The following DRC8 variants were observed in gnomAD, a reference collection of about 807,000 sequenced individuals.
DRC8 encodes dynein regulatory complex subunit 8.
the DRC8 span, among the ~76,000 whole-genome samples, chr1:245,090,439 C>G: frequency 6.6e-6 from 1 of 151,452 alleles, no homozygotes; most frequent in African/African-American, 2.4e-5. Flanking sequence ...GTAAGAGTGG[C>G]TGACGTTTGT....
chr1:245,119,817 CA>C, the DRC8 span, among the ~76,000 whole-genome samples: 1 of 151,978 alleles, frequency 6.6e-6, no homozygotes, highest in African/African-American at 2.4e-5. Context: ...CCTGTAGTCC[CA>C]GCTACTCGGG....
the DRC8 span, among the ~76,000 whole-genome samples, chr1:245,078,846 C>T: frequency 2.2e-4 from 33 of 152,138 alleles, no homozygotes; most frequent in East Asian, 7.7e-4. Flanking sequence ...ACTAGTGAGT[C>T]GGTGGATAAG....
At chr1:245,039,193 T>C in the DRC8 span, among the ~76,000 whole-genome samples, 1 of 146,720 alleles carries the variant, frequency 6.8e-6, no homozygotes, top group African/African-American at 2.5e-5. Context: ...CACAGTGAAA[T>C]ACTATCCAGT....
chr1:245,093,875 C>T, the DRC8 span, among the ~76,000 whole-genome samples: 6 of 152,230 alleles, frequency 3.9e-5, no homozygotes, highest in East Asian at 9.7e-4. Context: ...TGGCTCCCCC[C>T]ACACGCCCCG....
chr1:245,099,801 G>C, the DRC8 span, among the ~76,000 whole-genome samples: 1 of 140,260 alleles, frequency 7.1e-6, no homozygotes, highest in African/African-American at 2.7e-5. Context: ...AGGCAGAGAG[G>C]AATCTCCCAT....
At chr1:245,102,233 G>A in the DRC8 span, among the ~76,000 whole-genome samples, 1 of 152,178 alleles carries the variant, frequency 6.6e-6, no homozygotes, top group Non-Finnish European at 1.5e-5. Flanking sequence ...CCAAACTGTG[G>A]TCCTACTAGT....
the DRC8 span, among the ~76,000 whole-genome samples, chr1:244,989,352 G>C: frequency 6.6e-6 from 1 of 152,118 alleles, no homozygotes; most frequent in Non-Finnish European, 1.5e-5. Flanking sequence ...TAGTTGCTAT[G>C]GCTCCTTCGG....
At chr1:245,087,314 T>G in the DRC8 span, 3 of 1,611,486 alleles carry the variant, frequency 1.9e-6, no homozygotes, top group South Asian at 3.3e-5. Context: ...TCAAATTCAA[T>G]TAATTACAAG....
chr1:245,061,617 A>C, the DRC8 span, among the ~76,000 whole-genome samples: 1 of 152,240 alleles, frequency 6.6e-6, no homozygotes, highest in Non-Finnish European at 1.5e-5. Flanking sequence ...TAAAAAAAGC[A>C]CAAATTTGAA....
chr1:245,099,232 A>G, the DRC8 span, among the ~76,000 whole-genome samples: 6 of 152,148 alleles, frequency 3.9e-5, no homozygotes, highest in Admixed American at 3.9e-4. Context: ...ACTGCTCCGG[A>G]AACTGGAATG....
the DRC8 span, among the ~76,000 whole-genome samples, chr1:245,001,304 T>C: frequency 6.6e-6 from 1 of 152,186 alleles, no homozygotes; most frequent in Non-Finnish European, 1.5e-5. Context: ...GGGATTTGTT[T>C]TGGGGTCTTT....
the DRC8 span, among the ~76,000 whole-genome samples, chr1:244,986,973 A>G: frequency 2.6e-5 from 4 of 152,178 alleles, no homozygotes; most frequent in Non-Finnish European, 1.5e-5. Context: ...TCTCATCTTT[A>G]TCTAAGGTCC....
the DRC8 span, among the ~76,000 whole-genome samples, chr1:245,011,645 C>A: frequency 6.6e-6 from 1 of 152,164 alleles, no homozygotes; most frequent in Non-Finnish European, 1.5e-5. Flanking sequence ...TTGCAATGTC[C>A]AGTGGGTAAG....
chr1:245,090,983 C>T, the DRC8 span: 2 of 152,154 alleles, frequency 1.3e-5, no homozygotes, highest in African/African-American at 4.8e-5. Context: ...GAATGGAAGG[C>T]ATTTCTTCCT....
chr1:244,969,807 T>G, the DRC8 span: 1 of 342,882 alleles, frequency 2.9e-6, no homozygotes, highest in Non-Finnish European at 5.3e-6. Flanking sequence ...CGGTGAAGAC[T>G]GGACGGGAGA....
At chr1:245,032,057 T>C in the DRC8 span, among the ~76,000 whole-genome samples, 1 of 152,190 alleles carries the variant, frequency 6.6e-6, no homozygotes, top group Non-Finnish European at 1.5e-5. Flanking sequence ...ACTGTAGCAA[T>C]AGAGTTCAGT....
At chr1:244,979,190 A>G in the DRC8 span, among the ~76,000 whole-genome samples, 1 of 150,820 alleles carries the variant, frequency 6.6e-6, no homozygotes, top group African/African-American at 2.4e-5. Context: ...CCAAAAGGAT[A>G]GGGGTCATGC....
chr1:245,031,188 T>C, the DRC8 span, among the ~76,000 whole-genome samples: 1 of 152,108 alleles, frequency 6.6e-6, no homozygotes, highest in Non-Finnish European at 1.5e-5. Flanking sequence ...CTCACCGGTT[T>C]ATTACCATCC....
At chr1:244,986,175 G>A in the DRC8 span, among the ~76,000 whole-genome samples, 1 of 151,310 alleles carries the variant, frequency 6.6e-6, no homozygotes, top group Admixed American at 6.6e-5. Flanking sequence ...GGCTGGTCTT[G>A]AACTCCTGAC....
Sources: allele counts gnomAD v4.1 joint callset (sites outside exome capture counted in the v4.1 genomes callset), GRCh38; gene constraint gnomAD v4.1.1; transcripts MANE v1.5; gene names NCBI Gene and HGNC (gene_info 2026-07-23, HGNC 2026-07-21).